Variants in ATG7 observed in about 807,000 individuals in gnomAD.
ATG7 encodes ubiquitin-like modifier-activating enzyme ATG7.
ATG7 carries 70 observed loss-of-function variants against 82.4 expected under a neutral mutation model. The ratio of observed to expected loss-of-function variants is 0.85; its 90% CI spans 0.70 to 1.04. The LOEUF (loss-of-function observed/expected upper bound fraction) is 1.04. Ranked by LOEUF, ATG7 falls within the 50% of genes least tolerant of loss-of-function variation. The pLI is 0.00. For missense variants in ATG7, 792 were observed against 864.3 expected, an observed-to-expected ratio of 0.92 and a Z score of 1.05; for synonymous variants, 287 against 313.0, an observed-to-expected ratio of 0.92 and a Z score of 0.88.
intron 20 of ATG7, among the ~76,000 whole-genome samples, chr3:11,442,445 TC>T (rs1020868125): frequency 2.0e-5 from 3 of 152,318 alleles, no homozygotes; most frequent in South Asian, 4.1e-4. Flanking sequence ...TAGATTTTTT[TC>T]ATAAAAATGT....
In ATG7 at chr3:11,331,360, TCCCTGTAACTTAGCCCAGTA is replaced by T. The variant is rs1318575658; in HGVS notation, c.705_724del (p.Cys235TrpfsTer17). On this transcript the variant is annotated frameshift_variant, in exon 10 of 21. Transcript: ENST00000693202. LOFTEE classifies it high-confidence loss of function. ...CACAGATAACAATTGGTGTATATGA[TCCCTGTAACTTAGCCCAGTA>T]CCCTGGATGGCCTTTGAGGAATTTT... The T allele has an allele frequency of 6.2e-7, 1 of 1,613,708 alleles. No homozygotes were observed. The highest frequency in any genetic ancestry group is 8.5e-7 in the Non-Finnish European group (1 of 1,179,586).
At chr3:11,463,134 C>T in intron 20 of ATG7, among the ~76,000 whole-genome samples, 1 of 152,046 alleles carries the variant, frequency 6.6e-6, no homozygotes, top group East Asian at 1.9e-4. Context: ...ATCTGCCCTC[C>T]TCCGCCTCCC....
At chr3:11,573,316 G>GAAGGAAGGAAGAAAGA in the ATG7 span, among the ~76,000 whole-genome samples, 1 of 20,754 alleles carries the variant, frequency 4.8e-5, no homozygotes. Flanking sequence ...AGGAAGGAAG[G>GAAGGAAGGAAGAAAGA]AAGAAAGAAA....
intron 20 of ATG7, among the ~76,000 whole-genome samples, chr3:11,435,193 C>T (rs2083262809): frequency 6.6e-6 from 1 of 152,134 alleles, no homozygotes; most frequent in South Asian, 2.1e-4. Context: ...TATCTAGCTA[C>T]CATTGCCAGA....
At chr3:11,278,322 G>A (rs1489274665) in intron 1 of ATG7, among the ~76,000 whole-genome samples, 2 of 152,162 alleles carry the variant, frequency 1.3e-5, no homozygotes, top group South Asian at 2.1e-4. Context: ...CACAATTTAT[G>A]TTCAGAGATT....
chr3:11,558,454 TCCCCC>T, downstream of ATG7: 1 of 1,064,152 alleles, frequency 9.4e-7, no homozygotes, highest in Non-Finnish European at 1.3e-6. Flanking sequence ...TCCCTTCCCT[TCCCCC>T]CACCCCACCC....
intron 13 of ATG7, among the ~76,000 whole-genome samples, chr3:11,347,305 A>T (rs943769449): frequency 4.6e-5 from 7 of 152,248 alleles, no homozygotes; most frequent in Non-Finnish European, 8.8e-5. Context: ...ATTGAAGTCT[A>T]TAAAACCGTG....
intron 13 of ATG7, among the ~76,000 whole-genome samples, chr3:11,345,953 C>T (rs1575596571): frequency 6.6e-6 from 1 of 152,340 alleles, no homozygotes; most frequent in Non-Finnish European, 1.5e-5. Context: ...TTTCACTTGT[C>T]ACATTTCAGT....
chr3:11,559,186 G>A (rs976279486), downstream of ATG7: 52 of 1,347,956 alleles, frequency 3.9e-5, no homozygotes, highest in East Asian at 1.8e-4. Context: ...AACGCTAGGC[G>A]CACACTGGAC....
chr3:11,530,694 G>A lies in ATG7; in HGVS notation c.2080-24117G>A, dbSNP rs747391709. Among the ~76,000 whole-genome samples the A allele has an allele frequency of 9.2e-5, 14 of 152,004 alleles. No individual in the cohort carries two copies. In the East Asian group the frequency reaches 1.4e-3, roughly 15 times the overall value. ...CTTAATAATAAATAATAATTTCCAC[G>A]TTCTACCTTTAAAATGAAGCCTGAG... On this transcript the variant is annotated intron_variant, in intron 20 of 20. Coordinates refer to ENST00000693202, the MANE Select transcript of ATG7 (RefSeq NM_001349232.2).
chr3:11,287,861 A>G (rs1944344082), intron 3 of ATG7, among the ~76,000 whole-genome samples: 1 of 152,276 alleles, frequency 6.6e-6, no homozygotes, highest in African/African-American at 2.4e-5. Context: ...TCCTCAAAAC[A>G]AAATATACTA....
chr3:11,413,664 A>G (rs2081117773), intron 19 of ATG7, among the ~76,000 whole-genome samples: 2 of 152,224 alleles, frequency 1.3e-5, no homozygotes, highest in African/African-American at 4.8e-5. Flanking sequence ...GGATTTTTGC[A>G]TTAATTTATA....
intron 11 of ATG7, among the ~76,000 whole-genome samples, chr3:11,339,295 C>CAAAA (rs1036935586): frequency 9.4e-4 from 84 of 89,640 alleles, no homozygotes; most frequent in Middle Eastern, 0.011. Context: ...GACTCTGTTT[C>CAAAA]AAAAAAAAAA....
intron 19 of ATG7, among the ~76,000 whole-genome samples, chr3:11,414,148 C>A (rs1445044487): frequency 6.6e-6 from 1 of 152,130 alleles, no homozygotes; most frequent in Non-Finnish European, 1.5e-5. Context: ...CTGTAACCTC[C>A]ACCTCCTCCC....
At chr3:11,318,471 C>T (rs1463056771) in intron 9 of ATG7, among the ~76,000 whole-genome samples, 1 of 152,178 alleles carries the variant, frequency 6.6e-6, no homozygotes, top group East Asian at 1.9e-4. Flanking sequence ...TCACCAGAAG[C>T]CTTAGAGCAT....
chr3:11,509,718 T>C (rs1192898705), intron 20 of ATG7, among the ~76,000 whole-genome samples: 1 of 152,158 alleles, frequency 6.6e-6, no homozygotes, highest in Non-Finnish European at 1.5e-5. Context: ...TTAATTGAAT[T>C]CATTTTATAG....
intron 1 of ATG7, among the ~76,000 whole-genome samples, chr3:11,278,936 G>A (rs569149271): frequency 1.7e-4 from 26 of 152,304 alleles, no homozygotes; most frequent in African/African-American, 6.3e-4. Context: ...GATTTGAAGT[G>A]AGCAAAGAAA....
chr3:11,554,392 C>T (rs867573430), intron 20 of ATG7, among the ~76,000 whole-genome samples: 6 of 152,120 alleles, frequency 3.9e-5, no homozygotes, highest in Non-Finnish European at 7.4e-5. Flanking sequence ...CAAGGCAGCA[C>T]GTGCCCATGC....
chr3:11,486,105 G>A (rs750723130), intron 20 of ATG7, among the ~76,000 whole-genome samples: 23 of 152,106 alleles, frequency 1.5e-4, no homozygotes, highest in Non-Finnish European at 2.6e-4. Flanking sequence ...TGATGGGGAT[G>A]GCATTGAATC....
Sources: gnomAD v4.1 joint callset for allele counts (sites outside exome capture counted in the v4.1 genomes callset) on GRCh38, gnomAD v4.1.1 for gene constraint, MANE v1.5 for transcripts, NCBI Gene and HGNC (gene_info 2026-07-23, HGNC 2026-07-21) for gene names.